The following NPTXR variants were observed in gnomAD, a reference collection of about 807,000 sequenced individuals.
NPTXR encodes the protein neuronal pentraxin receptor.
In NPTXR, 12 loss-of-function variants were observed where a neutral mutation model predicts 32.2. The ratio of observed to expected loss-of-function variants is 0.37; its 90% CI spans 0.24 to 0.60. The LOEUF (loss-of-function observed/expected upper bound fraction) is 0.60. Among genes scored for constraint, NPTXR ranks in the 20% least tolerant of loss-of-function variants. NPTXR has a pLI of 0.66. For synonymous variants in NPTXR, 323 were observed against 315.8 expected, an observed-to-expected ratio of 1.02 and a Z score of -0.24; for missense variants, 612 against 682.9, an observed-to-expected ratio of 0.90 and a Z score of 1.16.
At chr22:38,831,269 T>C (rs2093115803) in intron 1 of NPTXR, among the ~76,000 whole-genome samples, 1 of 152,014 alleles carries the variant, frequency 6.6e-6, no homozygotes, top group African/African-American at 2.4e-5. Flanking sequence ...TAGCCAGGCA[T>C]GGTGGTGCAT....
intron 3 of NPTXR, among the ~76,000 whole-genome samples, chr22:38,826,014 T>G (rs1037588821): frequency 6.6e-6 from 1 of 152,186 alleles, no homozygotes; most frequent in African/African-American, 2.4e-5. Flanking sequence ...GGCTAATTTT[T>G]TTGTATTTTT....
chr22:38,825,197 G>A (rs534632779), intron 3 of NPTXR, among the ~76,000 whole-genome samples: 2 of 152,286 alleles, frequency 1.3e-5, no homozygotes, highest in East Asian at 3.9e-4. Context: ...CTGAAGGAGG[G>A]GCATCGGGGA....
chr22:38,836,942 G>A (rs1209153706), intron 1 of NPTXR, among the ~76,000 whole-genome samples: 1 of 152,084 alleles, frequency 6.6e-6, no homozygotes, highest in Non-Finnish European at 1.5e-5. Context: ...AGCCTCCCGA[G>A]TAGCTGGGAC....
rs2093116201 is a variant in NPTXR at position 38,831,556 on chromosome 22, C to G, written c.625-3044G>C. Among the ~76,000 whole-genome samples the G allele has an allele frequency of 2.0e-5, 3 of 152,156 alleles. No individual in the cohort carries two copies. In the South Asian group the frequency reaches 6.2e-4, roughly 32 times the overall value. ...TAGCTGATGGGGCGCTCATTACCTCCAGAGCCTTCAGGTGACACTGGATGG... is the reference window on the plus strand; with the variant it reads ...TAGCTGATGGGGCGCTCATTACCTCGAGAGCCTTCAGGTGACACTGGATGG... On this transcript the variant is annotated intron_variant, in intron 1 of 4. Coordinates refer to ENST00000333039, the MANE Select transcript of NPTXR (RefSeq NM_014293.4).
chr22:38,843,728 G>T lies in NPTXR; in HGVS notation c.131C>A (p.Ser44Ter). 1 of 994,900 alleles carries T rather than the reference G, an allele frequency of 1.0e-6. No homozygotes were observed. Among genetic ancestry groups the T allele is most frequent in the South Asian group, 4.5e-5 (1 of 22,032 alleles). The allele number at this position is 994,900 out of a possible 1,614,324, so 61.6% of individuals were successfully genotyped here. Residue 44 changes from serine (S) to a stop codon, truncating the protein, a stop_gained, in exon 1 of 5, where the codon TCG becomes TAG. Coordinates refer to ENST00000333039, the MANE Select transcript of NPTXR (RefSeq NM_014293.4). LOFTEE classifies it high-confidence loss of function. The surrounding 1 kb of genome is among the most constrained non-coding windows in gnomAD (Gnocchi z 5.3). The stretch of plus-strand genomic sequence containing the variant: ...GGACGCGGCGGCGCCCGAGGCGACC[G>T]AAGCATTGTCGGCGCCGCCGGGCAG...
intron 3 of NPTXR, among the ~76,000 whole-genome samples, chr22:38,825,850 T>C (rs986804306): frequency 3.3e-5 from 5 of 150,398 alleles, no homozygotes; most frequent in African/African-American, 1.2e-4. Context: ...CTTTTTTTTT[T>C]TTTTTTTTTT....
At chr22:38,838,670 G>C (rs2093127770) in intron 1 of NPTXR, among the ~76,000 whole-genome samples, 1 of 146,594 alleles carries the variant, frequency 6.8e-6, no homozygotes, top group African/African-American at 2.6e-5. Context: ...CAAGCTCCGC[G>C]TCCCGGGTTC....
intron 1 of NPTXR, among the ~76,000 whole-genome samples, chr22:38,829,373 C>G (rs1193533212): frequency 6.6e-6 from 1 of 152,138 alleles, no homozygotes; most frequent in East Asian, 1.9e-4. Context: ...GGCAGCAGAA[C>G]TGGGGCAGGA....
At chr22:38,824,812 C>T (rs534663619) in intron 3 of NPTXR, among the ~76,000 whole-genome samples, 101 of 152,268 alleles carry the variant, frequency 6.6e-4, no homozygotes, top group Non-Finnish European at 1.2e-3. Flanking sequence ...CCAGCCACCC[C>T]GGTGGTCGTA....
rs768794387 is a variant in NPTXR, at chr22:38,822,726, G to C, written c.1386C>G (p.Ala462=). 1.2e-6 allele frequency: 2 copies of C among 1,614,006 alleles called. No individual in the cohort carries two copies. Among genetic ancestry groups the C allele is most frequent in the Non-Finnish European group, 1.7e-6 (2 of 1,180,000 alleles). The change falls in exon 5 of 5, where the codon GCC becomes GCG. Residue 462 remains alanine, a synonymous_variant. Transcript: ENST00000333039. ...TGCCCAGCAGTGGCGCAGTGCAGTT[G>C]GCAATGCCCAGGACCTGGGCTGGTG...
chr22:38,822,817 C>T lies in NPTXR; in HGVS notation c.1295G>A (p.Arg432Gln), dbSNP rs371378883. 2.4e-5 allele frequency: 38 copies of T among 1,613,642 alleles called. 1 individual carries two copies. Among genetic ancestry groups the T allele is most frequent in the South Asian group, 2.2e-4 (20 of 91,026 alleles). ...GACAAAGGCCTGGGTGGCATCAAAC[C>T]GGCCACCCAGGGTATCCTGGGCCAA... Residue 432 changes from arginine (R) to glutamine (Q), a missense_variant, in exon 5 of 5, where the codon CGG (arginine) becomes CAG (glutamine). Transcript: ENST00000333039.
chr22:38,825,843 T>TCC, intron 3 of NPTXR, among the ~76,000 whole-genome samples: 1 of 128,106 alleles, frequency 7.8e-6, no homozygotes, highest in Admixed American at 7.4e-5. Flanking sequence ...TCTCTCTCTT[T>TCC]TTTTTTTTTT....
chr22:38,825,737 C>T (rs370287857), intron 3 of NPTXR, among the ~76,000 whole-genome samples: 1 of 152,218 alleles, frequency 6.6e-6, no homozygotes, highest in African/African-American at 2.4e-5. Context: ...GGGGAGGGCC[C>T]GAGGGGCTGG....
chr22:38,827,923 G>C (rs1027426673), intron 2 of NPTXR, among the ~76,000 whole-genome samples: 1 of 152,056 alleles, frequency 6.6e-6, no homozygotes, highest in African/African-American at 2.4e-5. Flanking sequence ...TAAATGTATG[G>C]TTGTGGAGTC....
Position 38,826,696 on chromosome 22 carries a change from C to T in NPTXR, c.902G>A (p.Arg301His), listed in dbSNP as rs763198430. The change falls in exon 3 of 5, where the codon CGT becomes CAT. Residue 301 changes from arginine (R) to histidine (H), a missense_variant. Physicochemically the swap from Arg to His is conservative, Grantham distance 29. Coordinates refer to ENST00000333039, the MANE Select transcript of NPTXR (RefSeq NM_014293.4). ...CACGCGGGCGTACATGTAGTTGTTA[C>T]GGATGGGGATGCTGATCTTGAAGGC... 130 of 1,614,090 alleles carry T rather than the reference C, an allele frequency of 8.1e-5. No homozygotes were observed. The highest frequency in any genetic ancestry group is 1.0e-4 in the Non-Finnish European group (119 of 1,180,050).
At chr22:38,826,198 C>T (rs866855845) in intron 3 of NPTXR, among the ~76,000 whole-genome samples, 21 of 152,320 alleles carry the variant, frequency 1.4e-4, no homozygotes, top group African/African-American at 4.8e-4. Context: ...GCAGACACCT[C>T]AGCCCTGTCC....
Position 38,843,643 on chromosome 22 carries a change from G to A in NPTXR, c.216C>T (p.Pro72=), listed in dbSNP as rs2093135352. ...TGGCCGCGGGTGCCCCGGGCAGCGC[G>A]GGGGGCCCGGCTGAACCGCCCGCGC... The change falls in exon 1 of 5, where the codon CCC becomes CCT. Residue 72 remains proline, a synonymous_variant. Coordinates refer to ENST00000333039, the MANE Select transcript of NPTXR (RefSeq NM_014293.4). This position sits in a 1 kb window ranked among gnomAD's most constrained non-coding sequence, Gnocchi z 5.3. 5.6e-6 allele frequency: 6 copies of A among 1,075,858 alleles called. No individual in the cohort carries two copies. The highest frequency in any genetic ancestry group is 6.4e-5 in the East Asian group (1 of 15,532). 66.6% of individuals were successfully genotyped at this position (1,075,858 alleles called of 1,614,324 possible). A position where few individuals can be genotyped will look rare whatever the true frequency, so the allele number is the denominator to read the frequency against.
intron 3 of NPTXR, among the ~76,000 whole-genome samples, chr22:38,825,840 C>G (rs867757788): frequency 1.7e-5 from 2 of 115,472 alleles, no homozygotes; most frequent in African/African-American, 6.8e-5. Context: ...CTCTCTCTCT[C>G]TTTTTTTTTT....
intron 1 of NPTXR, among the ~76,000 whole-genome samples, chr22:38,840,106 G>A (rs1183047147): frequency 2.0e-5 from 3 of 152,232 alleles, no homozygotes; most frequent in African/African-American, 7.2e-5. Context: ...CCCACTTGAG[G>A]CTTTGGGGAG....
Sources: allele counts gnomAD v4.1 joint callset (sites outside exome capture counted in the v4.1 genomes callset), GRCh38; gene constraint gnomAD v4.1.1; non-coding constraint Gnocchi (gnomAD v3.1); transcripts MANE v1.5; gene names NCBI Gene and HGNC (gene_info 2026-07-23, HGNC 2026-07-21).